GRID2: variants seen among roughly 807,000 people sequenced by gnomAD.
GRID2 encodes glutamate receptor ionotropic, delta-2.
A neutral mutation model predicts 114.8 loss-of-function variants in GRID2; 33 were observed. The ratio of observed to expected loss-of-function variants is 0.29; its 90% CI spans 0.22 to 0.38. The LOEUF is 0.38. Ranked by LOEUF, GRID2 falls within the 10% of genes least tolerant of loss-of-function variation. The pLI is 1.00. For missense variants in GRID2, 1,184 were observed against 1,257.7 expected (o/e 0.94, Z 0.89); for synonymous variants, 505 against 449.9 (o/e 1.12, Z -1.55).
intron 4 of GRID2, among the ~76,000 whole-genome samples, chr4:93,127,522 C>T (rs542708943): frequency 2.4e-4 from 37 of 152,308 alleles, no homozygotes; most frequent in African/African-American, 7.7e-4. Flanking sequence ...GTTTTCCTTA[C>T]GTGCCAGACA....
chr4:93,310,175 A>G (rs546799963), intron 8 of GRID2, among the ~76,000 whole-genome samples: 2 of 152,320 alleles, frequency 1.3e-5, no homozygotes, highest in African/African-American at 4.8e-5. Context: ...ATAAGTAAAG[A>G]CCTATAAGTT....
intron 2 of GRID2, among the ~76,000 whole-genome samples, chr4:93,076,968 G>T (rs548386722): frequency 6.6e-6 from 1 of 152,042 alleles, no homozygotes; most frequent in Non-Finnish European, 1.5e-5. Flanking sequence ...GTCTCTTCTA[G>T]TATGTAGCAG....
intron 8 of GRID2, among the ~76,000 whole-genome samples, chr4:93,280,636 T>C (rs910348303): frequency 7.2e-5 from 11 of 151,958 alleles, no homozygotes; most frequent in African/African-American, 2.7e-4. Context: ...GGGTAGGTGA[T>C]TTCTATTTTA....
intron 14 of GRID2, among the ~76,000 whole-genome samples, chr4:93,701,806 T>C (rs72875910): frequency 0.055 from 8,430 of 151,996 alleles, 769 homozygotes; most frequent in African/African-American, 0.19. Flanking sequence ...CTAAGCAAAA[T>C]AGTAAAACCC....
intron 13 of GRID2, among the ~76,000 whole-genome samples, chr4:93,534,846 CTTTT>C (rs35860438): frequency 7.2e-6 from 1 of 138,270 alleles, no homozygotes; most frequent in Non-Finnish European, 1.6e-5. Flanking sequence ...CACATGGTTA[CTTTT>C]TTTTTTTTTT....
chr4:92,948,345 A>T (rs1751794250), intron 2 of GRID2, among the ~76,000 whole-genome samples: 1 of 151,860 alleles, frequency 6.6e-6, no homozygotes, highest in African/African-American at 2.4e-5. Context: ...TAGTGGGTAT[A>T]ATCTATCCTG....
At chr4:92,856,676 C>T (rs1011952873) in intron 2 of GRID2, among the ~76,000 whole-genome samples, 14 of 152,138 alleles carry the variant, frequency 9.2e-5, no homozygotes, top group Non-Finnish European at 1.5e-4. Flanking sequence ...GCAAAAACTT[C>T]TCTCCTGTGA....
chr4:93,789,757 T>A (rs1384247083), intron 1 of GRID2, among the ~76,000 whole-genome samples: 6 of 152,180 alleles, frequency 3.9e-5, no homozygotes, highest in African/African-American at 1.4e-4. Context: ...ATTTAAATAT[T>A]CACATACTCC....
At chr4:93,149,916 G>A (rs1469247685) in intron 4 of GRID2, among the ~76,000 whole-genome samples, 1 of 151,348 alleles carries the variant, frequency 6.6e-6, no homozygotes, top group African/African-American at 2.4e-5. Context: ...GATTACAGGT[G>A]TGGGTCACTG....
chr4:92,415,104 A>C (rs1349235443), intron 1 of GRID2, among the ~76,000 whole-genome samples: 3 of 152,090 alleles, frequency 2.0e-5, no homozygotes, highest in Non-Finnish European at 4.4e-5. Context: ...TCTTAAAAAT[A>C]AAAAGCAAAT....
intron 1 of GRID2, among the ~76,000 whole-genome samples, chr4:92,324,763 T>C (rs1433226149): frequency 6.6e-6 from 1 of 151,980 alleles, no homozygotes; most frequent in East Asian, 1.9e-4. Context: ...TATGCTGATA[T>C]GGATATGCAT....
intron 14 of GRID2, among the ~76,000 whole-genome samples, chr4:93,708,329 A>T (rs1384056058): frequency 6.6e-6 from 1 of 151,840 alleles, no homozygotes; most frequent in East Asian, 1.9e-4. Flanking sequence ...TCAGGGGTTT[A>T]TGTCTCTCTT....
At chr4:92,835,889 C>A in intron 2 of GRID2, among the ~76,000 whole-genome samples, 1 of 152,118 alleles carries the variant, frequency 6.6e-6, no homozygotes, top group East Asian at 1.9e-4. Flanking sequence ...TCCCTCTAGA[C>A]AACTCCTTGA....
At chr4:92,958,243 A>G (rs1478692444) in intron 2 of GRID2, among the ~76,000 whole-genome samples, 1 of 152,064 alleles carries the variant, frequency 6.6e-6, no homozygotes, top group Non-Finnish European at 1.5e-5. Flanking sequence ...GAAAGCTTCC[A>G]GTTTTCCACA....
intron 1 of GRID2, among the ~76,000 whole-genome samples, chr4:93,789,124 C>T (rs1161025900): frequency 1.3e-5 from 2 of 152,172 alleles, no homozygotes; most frequent in Admixed American, 6.6e-5. Flanking sequence ...TGGTGAAAAT[C>T]AGAGTCAACA....
chr4:92,904,398 G>GCA (rs1279675036), intron 2 of GRID2, among the ~76,000 whole-genome samples: 1 of 151,018 alleles, frequency 6.6e-6, no homozygotes, highest in Non-Finnish European at 1.5e-5. Context: ...TATTTATTTT[G>GCA]CACTCACAGT....
intron 1 of GRID2, among the ~76,000 whole-genome samples, chr4:92,346,664 G>C (rs1304113460): frequency 6.6e-6 from 1 of 152,068 alleles, no homozygotes; most frequent in Non-Finnish European, 1.5e-5. Context: ...CCTATTTCCT[G>C]AACTTTAAAT....
At chr4:93,080,538 T>C (rs969363257) in intron 2 of GRID2, among the ~76,000 whole-genome samples, 8 of 152,206 alleles carry the variant, frequency 5.3e-5, no homozygotes, top group African/African-American at 1.9e-4. Context: ...CACACTGGAC[T>C]GAATAAACTA....
chr4:92,939,031 G>GCA (rs1560721845), intron 2 of GRID2, among the ~76,000 whole-genome samples: 13 of 147,174 alleles, frequency 8.8e-5, no homozygotes, highest in Non-Finnish European at 1.7e-4. Context: ...ACATACATGT[G>GCA]TGGGTGTCTT....
Sources: allele counts gnomAD v4.1 joint callset (sites outside exome capture counted in the v4.1 genomes callset), GRCh38; gene constraint gnomAD v4.1.1; transcripts MANE v1.5; gene names NCBI Gene and HGNC (gene_info 2026-07-23, HGNC 2026-07-21).